ADGRA2: variants seen among roughly 807,000 people sequenced by gnomAD.
ADGRA2 encodes the protein adhesion G protein-coupled receptor A2.
A neutral mutation model predicts 98.7 loss-of-function variants in ADGRA2; 61 were observed. The ratio of observed to expected loss-of-function variants is 0.62; its 90% confidence interval spans 0.50 to 0.76. The LOEUF is 0.76. Among genes scored for constraint, ADGRA2 ranks in the 30% least tolerant of loss-of-function variants. The pLI, the probability that ADGRA2 is intolerant of heterozygous loss-of-function variation, is 0.00. For synonymous variants in ADGRA2, 858 were observed against 831.5 expected (o/e 1.03, Z -0.55); for missense variants, 1,712 against 1,860.0 (o/e 0.92, Z 1.46).
chr8:37,842,101 G>A lies in ADGRA2; in HGVS notation c.3763G>A (p.Gly1255Ser), dbSNP rs1366749137. The A allele has an allele frequency of 2.6e-6, 4 of 1,509,804 alleles. No individual in the cohort carries two copies. Among genetic ancestry groups the A allele is most frequent in the East Asian group, 2.6e-5 (1 of 38,130 alleles). The allele number at this position is 1,509,804 out of a possible 1,614,324, so 93.5% of individuals were successfully genotyped here. The change falls in exon 19 of 19, where the codon GGC becomes AGC. Residue 1255 changes from glycine to serine, a missense_variant. By Grantham distance (56) the Gly-to-Ser change is moderately conservative. Transcript: ENST00000412232. ...EGEPMLTPSE[G>S]SDTSAAPLSE... ...CGAGCCCATGCTCACGCCGTCCGAG[G>A]GCAGCGACACCAGCGCCGCGCCGCT...
At chr8:37,837,173 C>A (rs1805638751) in intron 13 of ADGRA2, among the ~76,000 whole-genome samples, 1 of 152,230 alleles carries the variant, frequency 6.6e-6, no homozygotes, top group Non-Finnish European at 1.5e-5. Context: ...TTCCCGAAAA[C>A]CACTAAGACT....
In ADGRA2 at chr8:37,835,698, AC is replaced by A. The variant is rs1563351367; in HGVS notation, c.1980del (p.Ser661ProfsTer31). The A allele has an allele frequency of 6.2e-7, 1 of 1,612,998 alleles. No homozygotes were observed. The highest frequency in any genetic ancestry group is 2.2e-5 in the East Asian group (1 of 44,812). On this transcript the variant is annotated frameshift_variant, in exon 13 of 19. Transcript: ENST00000412232. LOFTEE classifies it high-confidence loss of function. Reference protein sequence around the residue: ...NGRLFHSHSNTSRPGAAGPGK... With the variant: ...NGRLFHSHSNXSRPGAAGPGK... ...CCGCCTCTTCCACAGCCACAGCAAC[AC>A]CTCCCGCCCTGGAGCTGCTGGGCCT...
intron 1 of ADGRA2, among the ~76,000 whole-genome samples, chr8:37,808,961 A>G (rs1006805791): frequency 6.6e-6 from 1 of 151,912 alleles, no homozygotes. Flanking sequence ...AGTAGCTGGG[A>G]TTACAGGTGC....
chr8:37,828,547 C>T (rs560366299), intron 2 of ADGRA2, among the ~76,000 whole-genome samples: 95 of 130,242 alleles, frequency 7.3e-4, no homozygotes, highest in Admixed American at 1.9e-3. Flanking sequence ...AGTGCAGTGG[C>T]GCGATCTTGG....
intron 1 of ADGRA2, among the ~76,000 whole-genome samples, chr8:37,809,970 G>A (rs866530660): frequency 4.9e-4 from 75 of 152,284 alleles, no homozygotes; most frequent in African/African-American, 1.7e-3. Context: ...CCGATCTGTC[G>A]CTCTGCTGCC....
chr8:37,809,813 G>A (rs73594906), intron 1 of ADGRA2, among the ~76,000 whole-genome samples: 1,540 of 152,296 alleles, frequency 0.01, 38 homozygotes, highest in African/African-American at 0.035. Context: ...GAGAGAGAGG[G>A]GTGGGTGGAG....
chr8:37,814,980 G>C lies in ADGRA2; in HGVS notation c.338+13G>C. ...TGCTGGAGAAGCTGTAAGTGCTGGG[G>C]AAGGTGAGGTGGAGGAGGGGGGTGG... is the stretch of plus-strand genomic sequence containing the variant. On this transcript the variant is annotated intron_variant, in intron 2 of 18. Coordinates refer to ENST00000412232, the MANE Select transcript of ADGRA2 (RefSeq NM_032777.10). This position sits in a 1 kb window ranked among gnomAD's most constrained non-coding sequence, Gnocchi z 4.3. 1.3e-6 allele frequency: 2 copies of C among 1,594,358 alleles called. No homozygotes were observed. Among genetic ancestry groups the C allele is most frequent in the Non-Finnish European group, 1.7e-6 (2 of 1,162,002 alleles).
chr8:37,821,895 T>G (rs1315128539), intron 2 of ADGRA2, among the ~76,000 whole-genome samples: 1 of 152,140 alleles, frequency 6.6e-6, no homozygotes, highest in Non-Finnish European at 1.5e-5. Flanking sequence ...CCAGGTGGCT[T>G]CCATTAGTCT....
chr8:37,829,166 C>T (rs897321006), intron 3 of ADGRA2, 95 bp from the exon 4 acceptor site: 4 of 994,110 alleles, frequency 4.0e-6, no homozygotes, highest in African/African-American at 1.6e-5. Flanking sequence ...ATCCCACCCC[C>T]CAACACAAGC....
chr8:37,836,920 T>G (rs960222391), intron 13 of ADGRA2, among the ~76,000 whole-genome samples: 2 of 152,164 alleles, frequency 1.3e-5, no homozygotes, highest in African/African-American at 4.8e-5. Context: ...ACTCACTGAG[T>G]ATCTGGTATG....
chr8:37,807,318 G>C (rs994860639), intron 1 of ADGRA2, among the ~76,000 whole-genome samples: 1 of 152,206 alleles, frequency 6.6e-6, no homozygotes, highest in African/African-American at 2.4e-5. Context: ...CCAGCCTTTC[G>C]CTTGAGGTTG....
chr8:37,815,691 G>A (rs533361933), intron 2 of ADGRA2, among the ~76,000 whole-genome samples: 13 of 152,210 alleles, frequency 8.5e-5, no homozygotes, highest in Non-Finnish European at 1.6e-4. Context: ...GAGTGTTCAC[G>A]GGGCTCATGG....
chr8:37,799,066 G>A (rs1009293127), intron 1 of ADGRA2, among the ~76,000 whole-genome samples: 3 of 152,218 alleles, frequency 2.0e-5, no homozygotes, highest in Non-Finnish European at 4.4e-5. Context: ...GTCTGCGTGA[G>A]TCCCAGCTGC....
chr8:37,837,759 G>A lies in ADGRA2; in HGVS notation c.2079G>A (p.Glu693=), dbSNP rs1386719440. 1 of 1,553,242 alleles carries A rather than the reference G, an allele frequency of 6.4e-7. No homozygotes were observed. The highest frequency in any genetic ancestry group is 1.2e-5 in the South Asian group (1 of 84,210). The change falls in exon 14 of 19, where the codon GAG becomes GAA. Residue 693 remains glutamate (E), a synonymous_variant. Coordinates refer to ENST00000412232, the MANE Select transcript of ADGRA2 (RefSeq NM_032777.10). ...GCTGTGGCGTGGGAAACCTGACAGA[G>A]CCAGTGGCCGTTTCGCTGCGGCACT... ...TSGCGVGNLT[E]PVAVSLRHWA...
rs1261063962 is a variant in ADGRA2 at position 37,797,937 on chromosome 8, TGGTCCTAACCACTAC to T, written c.266+408_266+422del. On this transcript the variant is annotated intron_variant, in intron 1 of 18. Transcript: ENST00000412232. The surrounding 1 kb of genome is among the most constrained non-coding windows in gnomAD (Gnocchi z 5.3). ...ACGCTCGTGGCCCAGGAGGGGGCTG[TGGTCCTAACCACTAC>T]GGTCGCGTCCCGGACTGGGCTGGAG... Among the ~76,000 whole-genome samples the T allele has an allele frequency of 2.6e-5, 4 of 152,234 alleles. No homozygotes were observed. The highest frequency in any genetic ancestry group is 7.2e-5 in the African/African-American group (3 of 41,478).
At chr8:37,831,625 C>A in intron 8 of ADGRA2, 38 bp downstream of exon 8, 2 of 1,587,106 alleles carry the variant, frequency 1.3e-6, no homozygotes, top group Non-Finnish European at 1.7e-6. Flanking sequence ...CTGCCCAGCC[C>A]CCAACCCCAC....
At chr8:37,819,934 G>C (rs1342862914) in intron 2 of ADGRA2, among the ~76,000 whole-genome samples, 2 of 152,106 alleles carry the variant, frequency 1.3e-5, no homozygotes, top group South Asian at 4.1e-4. Context: ...GCCTCCCAAA[G>C]TGCTGGGATT....
intron 1 of ADGRA2, among the ~76,000 whole-genome samples, chr8:37,812,108 A>G (rs939678390): frequency 2.9e-4 from 44 of 152,140 alleles, no homozygotes; most frequent in Admixed American, 7.8e-4. Flanking sequence ...TTTCAGAAAA[A>G]AAAAGAAAAG....
intron 2 of ADGRA2, among the ~76,000 whole-genome samples, chr8:37,815,877 GCCTCCCA>G (rs1804964405): frequency 6.6e-6 from 1 of 152,134 alleles, no homozygotes; most frequent in African/African-American, 2.4e-5. Context: ...GGAAGCCTGG[GCCTCCCA>G]CCTCTCCTAG....
Sources: gnomAD v4.1 joint callset for allele counts (sites outside exome capture counted in the v4.1 genomes callset) on GRCh38, gnomAD v4.1.1 for gene constraint, Gnocchi (gnomAD v3.1) non-coding constraint, MANE v1.5 for transcripts, NCBI Gene and HGNC (gene_info 2026-07-23, HGNC 2026-07-21) for gene names.